Variants in COL24A1 observed in about 807,000 individuals in gnomAD.
COL24A1 encodes the protein collagen type XXIV alpha 1 chain.
Under a neutral mutation model 253.9 loss-of-function variants are expected in COL24A1, and 224 were observed. That is an observed-to-expected ratio of 0.88 (90% CI 0.79 to 0.99). The LOEUF is 0.99. COL24A1 is among the 50% of genes least tolerant of loss of function. The pLI is 0.00. For missense variants in COL24A1, 2,131 were observed against 2,068.5 expected (o/e 1.03, Z -0.59); for synonymous variants, 685 against 673.7 (o/e 1.02, Z -0.26).
intron 5 of COL24A1, among the ~76,000 whole-genome samples, chr1:86,105,287 G>T (rs1245766807): frequency 6.6e-6 from 1 of 152,200 alleles, no homozygotes; most frequent in Non-Finnish European, 1.5e-5. Flanking sequence ...AGGAAGGCAA[G>T]ATCTGCCTGC....
intron 22 of COL24A1, among the ~76,000 whole-genome samples, chr1:85,967,835 T>C (rs1271241968): frequency 2.6e-5 from 4 of 152,174 alleles, no homozygotes; most frequent in East Asian, 3.9e-4. Flanking sequence ...GGCAGTTAGA[T>C]GGTCAATACT....
intron 35 of COL24A1, among the ~76,000 whole-genome samples, chr1:85,871,507 T>C (rs1281596964): frequency 6.6e-6 from 1 of 152,190 alleles, no homozygotes; most frequent in African/African-American, 2.4e-5. Flanking sequence ...CATGATCAAG[T>C]GGGCTTCATC....
intron 3 of COL24A1, among the ~76,000 whole-genome samples, chr1:86,116,159 GTTCA>G (rs59870416): frequency 0.14 from 21,500 of 151,876 alleles, 1,679 homozygotes; most frequent in South Asian, 0.24. Flanking sequence ...TCATTCATCT[GTTCA>G]TTCATTCAAT....
intron 43 of COL24A1, among the ~76,000 whole-genome samples, chr1:85,837,702 A>G (rs964771718): frequency 6.6e-6 from 1 of 152,232 alleles, no homozygotes; most frequent in Non-Finnish European, 1.5e-5. Flanking sequence ...TAATATTATT[A>G]CAAGACTACA....
intron 12 of COL24A1, among the ~76,000 whole-genome samples, chr1:86,034,741 A>G (rs1219300439): frequency 6.6e-6 from 1 of 152,166 alleles, no homozygotes; most frequent in Non-Finnish European, 1.5e-5. Context: ...TGGTAAAATA[A>G]CAAACCTTCT....
chr1:85,768,178 G>A (rs1038724971), intron 53 of COL24A1, among the ~76,000 whole-genome samples: 1 of 152,092 alleles, frequency 6.6e-6, no homozygotes, highest in Non-Finnish European at 1.5e-5. Flanking sequence ...ATATTCCTAA[G>A]AATAGAAAGG....
chr1:85,807,855 T>C (rs1191187660), intron 47 of COL24A1, among the ~76,000 whole-genome samples: 2 of 152,202 alleles, frequency 1.3e-5, no homozygotes, highest in Non-Finnish European at 2.9e-5. Context: ...CAAGTCTTTC[T>C]AGAGCTGTTA....
chr1:85,818,053 GA>G lies in COL24A1; in HGVS notation c.3823del (p.Ser1275LeufsTer63). 1 of 1,613,674 alleles carries G rather than the reference GA, an allele frequency of 6.2e-7. No individual in the cohort carries two copies. The highest frequency in any genetic ancestry group is 8.5e-7 in the Non-Finnish European group (1 of 1,179,662). On this transcript the variant is annotated frameshift_variant, in exon 46 of 60. Transcript: ENST00000370571. LOFTEE classifies it high-confidence loss of function. ...NKGKKGAPGP[S>X]GKPGIPGLQG... ...ACTTACAGGAATCCCAGGTTTCCCA[GA>G]AGGACCAGGAGCTCCTTTTTTCCCC...
chr1:85,767,766 A>C (rs1667531810), intron 53 of COL24A1, among the ~76,000 whole-genome samples: 1 of 152,156 alleles, frequency 6.6e-6, no homozygotes, highest in African/African-American at 2.4e-5. Flanking sequence ...TAACCCACAG[A>C]CTAAAAACTC....
intron 19 of COL24A1, among the ~76,000 whole-genome samples, chr1:86,008,315 G>C (rs1163782380): frequency 1.3e-5 from 2 of 151,910 alleles, no homozygotes; most frequent in East Asian, 3.9e-4. Context: ...TGTAACCTCG[G>C]CTCACCAAAA....
intron 24 of COL24A1, among the ~76,000 whole-genome samples, chr1:85,933,943 T>C (rs1688035964): frequency 6.6e-6 from 1 of 152,204 alleles, no homozygotes; most frequent in Non-Finnish European, 1.5e-5. Context: ...ATAATAAACA[T>C]GTATTATCTC....
chr1:85,871,024 C>T (rs955304079), intron 35 of COL24A1, among the ~76,000 whole-genome samples: 20 of 152,090 alleles, frequency 1.3e-4, no homozygotes, highest in African/African-American at 3.4e-4. Context: ...TTATCACCAC[C>T]GATCCCACAG....
intron 24 of COL24A1, among the ~76,000 whole-genome samples, chr1:85,913,189 T>C (rs1685539058): frequency 1.3e-5 from 2 of 152,190 alleles, no homozygotes; most frequent in Admixed American, 1.3e-4. Context: ...TCAATGTTCA[T>C]GTGCATGGAA....
At chr1:86,082,352 G>C (rs1033154060) in intron 7 of COL24A1, among the ~76,000 whole-genome samples, 5 of 152,028 alleles carry the variant, frequency 3.3e-5, no homozygotes, top group African/African-American at 9.7e-5. Flanking sequence ...ACAAAGAAGT[G>C]CTTCTTACCT....
At chr1:85,825,051 C>A (rs887303846) in intron 43 of COL24A1, among the ~76,000 whole-genome samples, 19 of 151,284 alleles carry the variant, frequency 1.3e-4, no homozygotes, top group African/African-American at 4.6e-4. Context: ...TTAGGTATAT[C>A]CCCCAATGCT....
chr1:86,085,733 T>C (rs1703013357), intron 7 of COL24A1, among the ~76,000 whole-genome samples: 1 of 152,188 alleles, frequency 6.6e-6, no homozygotes, highest in Admixed American at 6.5e-5. Flanking sequence ...ACTAAAAATA[T>C]ACTTCAGTTC....
At chr1:85,960,058 AG>A (rs1690862349) in intron 24 of COL24A1, among the ~76,000 whole-genome samples, 1 of 152,158 alleles carries the variant, frequency 6.6e-6, no homozygotes, top group Admixed American at 6.5e-5. Context: ...AGGATTAATT[AG>A]GTATGGCAAT....
chr1:86,154,249 T>C (rs1653181492), intron 1 of COL24A1: 1 of 151,960 alleles, frequency 6.6e-6, no homozygotes, highest in African/African-American at 2.4e-5. Context: ...ATTTTTTCAG[T>C]CCAATCATTA....
intron 6 of COL24A1, 145 bp from the exon 7 acceptor site, chr1:86,089,372 G>C: frequency 2.8e-6 from 2 of 701,930 alleles, no homozygotes; most frequent in Non-Finnish European, 4.8e-6. Context: ...CTGTTTCTGA[G>C]GCTTCCTGCC....
Sources: allele counts gnomAD v4.1 joint callset (sites outside exome capture counted in the v4.1 genomes callset), GRCh38; gene constraint gnomAD v4.1.1; transcripts MANE v1.5; gene names NCBI Gene and HGNC (gene_info 2026-07-23, HGNC 2026-07-21).